B3GAT1: variants seen among roughly 807,000 people sequenced by gnomAD.
The protein encoded by B3GAT1 is beta-1,3-glucuronyltransferase 1, also known as galactosylgalactosylxylosylprotein 3-beta-glucuronosyltransferase 1.
Under a neutral mutation model 28.4 loss-of-function variants are expected in B3GAT1, and 11 were observed. The ratio of observed to expected loss-of-function variants is 0.39; its 90% CI spans 0.24 to 0.64. The LOEUF (loss-of-function observed/expected upper bound fraction) is 0.64. Ranked by LOEUF, B3GAT1 falls within the 30% of genes least tolerant of loss-of-function variation. B3GAT1 has a pLI of 0.50. For synonymous variants in B3GAT1, 255 were observed against 223.1 expected (o/e 1.14, Z -1.27); for missense variants, 375 against 491.0 (o/e 0.76, Z 2.23).
intron 1 of B3GAT1, among the ~76,000 whole-genome samples, chr11:134,403,979 TTCTTTATATATATATATATATATATATA>T (rs1213312989): frequency 0.026 from 2,540 of 96,978 alleles, 67 homozygotes; most frequent in South Asian, 0.051. Context: ...CAGAGTTTCT[TTCTTTATATATATATATATATATATATA>T]TATATATATA....
intron 1 of B3GAT1, among the ~76,000 whole-genome samples, chr11:134,396,305 C>G (rs1192388835): frequency 1.3e-5 from 2 of 152,042 alleles, no homozygotes; most frequent in Non-Finnish European, 2.9e-5. Context: ...TGGGCCATGT[C>G]TGGCCCTCAG....
Position 134,387,690 on chromosome 11 carries a change from ATT to A in B3GAT1, c.-33_-32del. 1 of 1,613,330 alleles carries A rather than the reference ATT, an allele frequency of 6.2e-7. No individual in the cohort carries two copies. Among genetic ancestry groups the A allele is most frequent in the Non-Finnish European group, 8.5e-7 (1 of 1,179,784 alleles). ...AGGCTGGCTGCACCCACGGCTCCTC[ATT>A]ACCTGAGTGGCGGTAAGTTCAGGAG... On this transcript the variant is annotated 5_prime_UTR_variant, in exon 2 of 6. The change abolishes an upstream ATG in the 5' untranslated region. Coordinates refer to ENST00000312527, the MANE Select transcript of B3GAT1 (RefSeq NM_054025.3).
At position 134,380,006 on chromosome 11, in the gene B3GAT1, AC is replaced by A. The variant is rs1251406978; in HGVS notation, c.*755del. On this transcript the variant is annotated 3_prime_UTR_variant, in exon 6 of 6. Coordinates refer to ENST00000312527, the MANE Select transcript of B3GAT1 (RefSeq NM_054025.3). Reference sequence around the variant, plus strand: ...GTGACCTGTGCTGGCTCTAGAGCCTACCCCTTTGCCACTGCTGGAGGAGAAG... The same window carrying A: ...GTGACCTGTGCTGGCTCTAGAGCCTACCCTTTGCCACTGCTGGAGGAGAAG... 6.6e-6 allele frequency: 1 copy of A among 152,504 alleles called. No individual in the cohort carries two copies. Among genetic ancestry groups the A allele is most frequent in the Non-Finnish European group, 1.5e-5 (1 of 68,112 alleles). The allele number at this position is 152,504 out of a possible 1,614,324, so 9.4% of individuals were successfully genotyped here.
At chr11:134,400,446 T>C (rs1386015760) in intron 1 of B3GAT1, among the ~76,000 whole-genome samples, 1 of 152,184 alleles carries the variant, frequency 6.6e-6, no homozygotes, top group Admixed American at 6.5e-5. Context: ...ACACCTAGCA[T>C]AAGGCCTGGC....
chr11:134,400,289 G>A (rs1008199291), intron 1 of B3GAT1, among the ~76,000 whole-genome samples: 7 of 152,094 alleles, frequency 4.6e-5, no homozygotes, highest in East Asian at 1.9e-4. Flanking sequence ...CTCCGGGGGC[G>A]CCTGGTCTTA....
chr11:134,385,459 G>A (rs537968460), intron 2 of B3GAT1: 1 of 152,420 alleles, frequency 6.6e-6, no homozygotes, highest in South Asian at 2.1e-4. Flanking sequence ...AATTGCTGAG[G>A]GTCGGGGGAG....
intron 1 of B3GAT1, among the ~76,000 whole-genome samples, chr11:134,396,704 C>T (rs939116396): frequency 6.6e-6 from 1 of 152,188 alleles, no homozygotes; most frequent in African/African-American, 2.4e-5. Context: ...ACCTTGCAGC[C>T]TGGAAGGGCC....
Position 134,393,958 on chromosome 11 carries a change from C to T in B3GAT1, c.-281-6018G>A, listed in dbSNP as rs552814470. On this transcript the variant is annotated intron_variant, in intron 1 of 5. Coordinates refer to ENST00000312527, the MANE Select transcript of B3GAT1 (RefSeq NM_054025.3). The surrounding 1 kb of genome is among the most constrained non-coding windows in gnomAD (Gnocchi z 4.0). ...AGCGGATTAGTATTGATTCTGCAGG[C>T]GCTGCTCAGGAAACGCCTGATGCCA... Among the ~76,000 whole-genome samples, 92 of 152,296 alleles carry T rather than the reference C, an allele frequency of 6.0e-4. No homozygotes were observed. Among genetic ancestry groups the T allele is most frequent in the African/African-American group, 2.2e-3 (91 of 41,568 alleles).
At chr11:134,390,061 C>A (rs1944377703) in intron 1 of B3GAT1, 1 of 151,936 alleles carries the variant, frequency 6.6e-6, no homozygotes, top group Non-Finnish European at 1.5e-5. Context: ...GGAAGACCCA[C>A]TGGGGTTCAA....
chr11:134,387,128 C>CGAGA, intron 2 of B3GAT1: 1 of 194,426 alleles, frequency 5.1e-6, no homozygotes, highest in Non-Finnish European at 1.1e-5. Context: ...CAGCTGCCGA[C>CGAGA]AGTGCTTCGC....
At chr11:134,403,862 C>T (rs1944668101) in intron 1 of B3GAT1, among the ~76,000 whole-genome samples, 1 of 151,236 alleles carries the variant, frequency 6.6e-6, no homozygotes, top group South Asian at 2.1e-4. Context: ...TCACAGGATT[C>T]AATTTCTATG....
intron 5 of B3GAT1, among the ~76,000 whole-genome samples, chr11:134,381,205 C>T (rs1944114369): frequency 6.6e-6 from 1 of 152,240 alleles, no homozygotes; most frequent in Non-Finnish European, 1.5e-5. Flanking sequence ...GCCAGTGTGT[C>T]ACCTTGGAAC....
In B3GAT1 at chr11:134,387,850, C is replaced by T. The variant is rs757054778; in HGVS notation, c.-191G>A. ...ACCAGCACTCACAACCCACCCATTG[C>T]GGAAGCAGGTTTGGAGAGTCCGGCC... On this transcript the variant is annotated 5_prime_UTR_variant, in exon 2 of 6. Transcript: ENST00000312527. The T allele has an allele frequency of 1.7e-4, 256 of 1,528,034 alleles. No homozygotes were observed. Among genetic ancestry groups the T allele is most frequent in the Non-Finnish European group, 2.1e-4 (238 of 1,142,108 alleles). 94.7% of individuals were successfully genotyped at this position (1,528,034 alleles called of 1,614,324 possible). A position where few individuals can be genotyped will look rare whatever the true frequency, so the allele number is the denominator to read the frequency against.
At chr11:134,394,464 C>T (rs1944467978) in intron 1 of B3GAT1, among the ~76,000 whole-genome samples, 1 of 152,242 alleles carries the variant, frequency 6.6e-6, no homozygotes, top group Admixed American at 6.5e-5. Flanking sequence ...CAGACCCTCC[C>T]CTGGCCCACC....
rs1374536721 is a variant in B3GAT1, at chr11:134,382,841, G to C, written c.787C>G (p.Arg263Gly). Residue 263 changes from arginine to glycine, a missense_variant, in exon 4 of 6, where the codon CGG (arginine) becomes GGG (glycine). Arg to Gly is a moderately radical substitution (Grantham distance 125). Coordinates refer to ENST00000312527, the MANE Select transcript of B3GAT1 (RefSeq NM_054025.3). Reference sequence around the variant, plus strand: ...GCCTGGCTTCGCTGCAGAATGAGCCGCAGGTTGACGGCAAATCCAGCCATG... The same window carrying C: ...GCCTGGCTTCGCTGCAGAATGAGCCCCAGGTTGACGGCAAATCCAGCCATG... ...IDMAGFAVNL[R>G]LILQRSQAYF... is the part of the protein sequence containing the mutation. The C allele has an allele frequency of 3.7e-6, 6 of 1,614,200 alleles. No homozygotes were observed. Among genetic ancestry groups the C allele is most frequent in the Non-Finnish European group, 4.2e-6 (5 of 1,180,030 alleles).
rs1944447103 is a variant in B3GAT1, at chr11:134,393,390, C to T, written c.-281-5450G>A. On this transcript the variant is annotated intron_variant, in intron 1 of 5. Coordinates refer to ENST00000312527, the MANE Select transcript of B3GAT1 (RefSeq NM_054025.3). The surrounding 1 kb of genome is among the most constrained non-coding windows in gnomAD (Gnocchi z 4.0). Reference sequence around the variant, plus strand: ...TCTCAGCACTTCCGCTCAGCCGACACGGGGTCAGGGAGGTCTGTGCTGACC... The same window carrying T: ...TCTCAGCACTTCCGCTCAGCCGACATGGGGTCAGGGAGGTCTGTGCTGACC... 6.6e-6 allele frequency among the ~76,000 whole-genome samples: 1 copy of T among 152,212 alleles called. No homozygotes were observed. The highest frequency in any genetic ancestry group is 1.5e-5 in the Non-Finnish European group (1 of 68,040).
chr11:134,382,550 A>T (rs1158568201), intron 4 of B3GAT1, among the ~76,000 whole-genome samples, 160 bp downstream of exon 4: 1 of 152,206 alleles, frequency 6.6e-6, no homozygotes, highest in Admixed American at 6.5e-5. Flanking sequence ...GCCTGTCCGC[A>T]GTGTCGCTGC....
intron 1 of B3GAT1, among the ~76,000 whole-genome samples, chr11:134,395,436 G>A (rs879539126): frequency 2.0e-5 from 3 of 152,062 alleles, no homozygotes; most frequent in Admixed American, 6.5e-5. Flanking sequence ...CTGCTTGGCC[G>A]AGTGGAGGAA....
chr11:134,381,749 A>G, intron 5 of B3GAT1, 175 bp downstream of exon 5: 1 of 595,078 alleles, frequency 1.7e-6, no homozygotes. Context: ...TAATGCCTGG[A>G]TACTTTCAGG....
Sources: allele counts gnomAD v4.1 joint callset (sites outside exome capture counted in the v4.1 genomes callset), GRCh38; gene constraint gnomAD v4.1.1; non-coding constraint Gnocchi (gnomAD v3.1); transcripts MANE v1.5; gene names NCBI Gene and HGNC (gene_info 2026-07-23, HGNC 2026-07-21).